KSR1: variants seen among roughly 807,000 people sequenced by gnomAD.
The protein encoded by KSR1 is kinase suppressor of ras.
In KSR1, 35 loss-of-function variants were observed where a neutral mutation model predicts 92.9. That is an observed-to-expected ratio of 0.38 (90% CI 0.29 to 0.50). The LOEUF is 0.50. Ranked by LOEUF, KSR1 falls within the 20% of genes least tolerant of loss-of-function variation. The pLI, the probability that KSR1 is intolerant of heterozygous loss-of-function variation, is 0.94. For synonymous variants in KSR1, 467 were observed against 472.6 expected (o/e 0.99, Z 0.15); for missense variants, 972 against 1,158.5 (o/e 0.84, Z 2.34).
In KSR1 at chr17:27,559,631, A is replaced by G. The variant is rs555734778; in HGVS notation, c.372+8923A>G. ...ACCTTCCTCTGCCCCAGGAGCACAC[A>G]GACTGGGGTGAAACAGGAAGTGAGA... On this transcript the variant is annotated intron_variant, in intron 2 of 20. Coordinates refer to ENST00000644974, the MANE Select transcript of KSR1 (RefSeq NM_001394583.1). The surrounding 1 kb of genome is among the most constrained non-coding windows in gnomAD (Gnocchi z 4.2). Among the ~76,000 whole-genome samples the G allele has an allele frequency of 1.7e-4, 26 of 152,390 alleles. No homozygotes were observed. In the South Asian group the frequency reaches 4.8e-3, roughly 28 times the overall value.
At chr17:27,475,252 C>T (rs2068305669) in intron 1 of KSR1, among the ~76,000 whole-genome samples, 1 of 152,192 alleles carries the variant, frequency 6.6e-6, no homozygotes, top group Non-Finnish European at 1.5e-5. Flanking sequence ...ACCCACTGCA[C>T]TCACGGGTCT....
chr17:27,462,527 T>C (rs1283439239), intron 1 of KSR1, among the ~76,000 whole-genome samples: 1 of 152,224 alleles, frequency 6.6e-6, no homozygotes, highest in Non-Finnish European at 1.5e-5. Context: ...GACAGGACTC[T>C]CAGCACCATG....
intron 13 of KSR1, 144 bp from the exon 14 acceptor site, chr17:27,605,290 C>A: frequency 9.7e-7 from 1 of 1,027,886 alleles, no homozygotes; most frequent in Non-Finnish European, 1.4e-6. Context: ...GCACAGCAGG[C>A]CAGTGCAGAG....
intron 1 of KSR1, among the ~76,000 whole-genome samples, chr17:27,493,431 T>A (rs1287187821): frequency 2.6e-5 from 4 of 152,168 alleles, no homozygotes; most frequent in African/African-American, 9.7e-5. Context: ...ACAGGGCAGA[T>A]TTTTTAAGTC....
At chr17:27,607,888 T>A (rs774861498) in intron 14 of KSR1, 26 bp from the exon 15 acceptor site, 4 of 1,566,332 alleles carry the variant, frequency 2.6e-6, no homozygotes. Context: ...CCCAGACTTG[T>A]GCTTGACCCC....
chr17:27,472,769 C>T (rs2020087375), intron 1 of KSR1, among the ~76,000 whole-genome samples: 2 of 152,016 alleles, frequency 1.3e-5, no homozygotes, highest in Admixed American at 6.6e-5. Flanking sequence ...TGTCACTGCA[C>T]TCTAGCCTAG....
At chr17:27,601,430 G>A (rs1293683105) in intron 11 of KSR1, 29 bp downstream of exon 11, 7 of 1,602,172 alleles carry the variant, frequency 4.4e-6, no homozygotes, top group Non-Finnish European at 6.0e-6. Context: ...TCCATTAACT[G>A]CCCTTTGCTG....
chr17:27,571,558 C>T (rs2072308813), intron 2 of KSR1, among the ~76,000 whole-genome samples: 2 of 152,232 alleles, frequency 1.3e-5, no homozygotes, highest in South Asian at 4.1e-4. Flanking sequence ...AGGAGCCCAC[C>T]TTTGGCCTCT....
At chr17:27,588,745 C>T (rs2073063576) in intron 6 of KSR1, among the ~76,000 whole-genome samples, 1 of 152,196 alleles carries the variant, frequency 6.6e-6, no homozygotes, top group Admixed American at 6.5e-5. Context: ...TGCACCTCCT[C>T]GGGTCTCTTC....
intron 1 of KSR1, among the ~76,000 whole-genome samples, chr17:27,507,167 G>T (rs2069416786): frequency 6.6e-6 from 1 of 152,198 alleles, no homozygotes; most frequent in South Asian, 2.1e-4. Flanking sequence ...GGGCAAGGTG[G>T]CTCATGCCTA....
At chr17:27,540,800 C>T (rs907251569) in intron 1 of KSR1, among the ~76,000 whole-genome samples, 1 of 152,226 alleles carries the variant, frequency 6.6e-6, no homozygotes, top group Non-Finnish European at 1.5e-5. Context: ...GCTATGGTCG[C>T]TGCGTGCCTG....
chr17:27,580,606 A>G (rs2072714497), intron 3 of KSR1, among the ~76,000 whole-genome samples: 1 of 151,932 alleles, frequency 6.6e-6, no homozygotes, highest in Non-Finnish European at 1.5e-5. Flanking sequence ...TTCCCATCCC[A>G]CCACTTTCTT....
intron 1 of KSR1, among the ~76,000 whole-genome samples, chr17:27,488,234 T>A (rs1165477692): frequency 2.0e-5 from 3 of 152,232 alleles, no homozygotes; most frequent in African/African-American, 7.2e-5. Context: ...TACCCACAAC[T>A]CAGGTTAAGA....
intron 1 of KSR1, among the ~76,000 whole-genome samples, chr17:27,537,360 C>T (rs189624774): frequency 6.6e-5 from 10 of 152,308 alleles, no homozygotes; most frequent in African/African-American, 2.2e-4. Context: ...ATATGTAACT[C>T]TCTCAGCCTC....
At chr17:27,571,961 T>A (rs1048890966) in intron 2 of KSR1, among the ~76,000 whole-genome samples, 1 of 152,192 alleles carries the variant, frequency 6.6e-6, no homozygotes, top group Non-Finnish European at 1.5e-5. Context: ...ATTTGATACC[T>A]AACTGGCCCT....
chr17:27,465,813 G>T (rs1349799860), intron 1 of KSR1, among the ~76,000 whole-genome samples: 2 of 151,998 alleles, frequency 1.3e-5, no homozygotes, highest in Non-Finnish European at 2.9e-5. Context: ...TTTTGATATG[G>T]ATAAGGGAGA....
chr17:27,488,578 T>A (rs547685926), intron 1 of KSR1, among the ~76,000 whole-genome samples: 71 of 152,356 alleles, frequency 4.7e-4, no homozygotes, highest in African/African-American at 1.7e-3. Flanking sequence ...TGGCTCACTT[T>A]GGGAGCACTT....
At chr17:27,548,229 C>CAAA (rs34481724) in intron 1 of KSR1, among the ~76,000 whole-genome samples, 2 of 89,872 alleles carry the variant, frequency 2.2e-5, no homozygotes, top group African/African-American at 8.2e-5. Context: ...GACCCCATCT[C>CAAA]AAAAAAAAAA....
chr17:27,607,956 C>T lies in KSR1; in HGVS notation c.2037C>T (p.Pro679=). 1 of 1,610,876 alleles carries T rather than the reference C, an allele frequency of 6.2e-7. No homozygotes were observed. Among genetic ancestry groups the T allele is most frequent in the Non-Finnish European group, 8.5e-7 (1 of 1,178,570 alleles). Reference sequence around the variant, plus strand: ...CGTTGCACTCGTTTGTGAGGGACCCCAAGACGTCTCTGGACATCAACAAGA... The same window carrying T: ...CGTTGCACTCGTTTGTGAGGGACCCTAAGACGTCTCTGGACATCAACAAGA... The part of the protein sequence containing the change: ...GRTLHSFVRD[P]KTSLDINKTR... The change falls in exon 15 of 21, where the codon CCC becomes CCT. Residue 679 remains proline, a synonymous_variant. Coordinates refer to ENST00000644974, the MANE Select transcript of KSR1 (RefSeq NM_001394583.1).
Sources: gnomAD v4.1 joint callset for allele counts (sites outside exome capture counted in the v4.1 genomes callset) on GRCh38, gnomAD v4.1.1 for gene constraint, Gnocchi (gnomAD v3.1) non-coding constraint, MANE v1.5 for transcripts, NCBI Gene and HGNC (gene_info 2026-07-23, HGNC 2026-07-21) for gene names.